The following RBFOX1 variants were observed in gnomAD, a reference collection of about 807,000 sequenced individuals.
RBFOX1 encodes the protein RNA binding protein fox-1 homolog 1.
In RBFOX1, 8 loss-of-function variants were observed where a neutral mutation model predicts 57.7. That is an observed-to-expected ratio of 0.14 (90% CI 0.08 to 0.25). The LOEUF is 0.25. RBFOX1 is among the 10% of genes least tolerant of loss of function. The pLI is 1.00. For missense variants in RBFOX1, 611 were observed against 548.5 expected, an observed-to-expected ratio of 1.11 and a Z score of -1.14; for synonymous variants, 326 against 222.4, an observed-to-expected ratio of 1.47 and a Z score of -4.15.
intron 3 of RBFOX1, among the ~76,000 whole-genome samples, chr16:6,738,567 C>T (rs377378591): frequency 2.6e-5 from 4 of 152,146 alleles, no homozygotes; most frequent in East Asian, 3.9e-4. Context: ...CATCTCGCAA[C>T]AATTTATAGA....
intron 3 of RBFOX1, among the ~76,000 whole-genome samples, chr16:7,032,791 G>C (rs4786958): frequency 1.3e-5 from 2 of 151,886 alleles, no homozygotes; most frequent in Non-Finnish European, 2.9e-5. Flanking sequence ...CCCCGCCTTG[G>C]GTCTACCTGA....
chr16:5,739,664 G>C (rs56679184), intron 3 of RBFOX1, among the ~76,000 whole-genome samples: 1 of 152,158 alleles, frequency 6.6e-6, no homozygotes. Context: ...GGCATTTTCT[G>C]TGCACCCTAA....
intron 1 of RBFOX1, among the ~76,000 whole-genome samples, chr16:5,417,553 C>G (rs374471748): frequency 6.6e-6 from 1 of 151,936 alleles, no homozygotes; most frequent in Non-Finnish European, 1.5e-5. Flanking sequence ...GATTTCTTAC[C>G]CCTGGCTTAA....
chr16:5,703,382 A>C (rs1051361104), intron 3 of RBFOX1, among the ~76,000 whole-genome samples: 1 of 152,172 alleles, frequency 6.6e-6, no homozygotes, highest in Non-Finnish European at 1.5e-5. Context: ...AAAGCCTCTA[A>C]ATTGGGATGG....
chr16:6,933,274 T>A (rs2153478946), intron 3 of RBFOX1, among the ~76,000 whole-genome samples: 1 of 152,330 alleles, frequency 6.6e-6, no homozygotes, highest in South Asian at 2.1e-4. Flanking sequence ...AATTGATGAA[T>A]CATAGAGTAA....
intron 14 of RBFOX1, among the ~76,000 whole-genome samples, chr16:7,700,082 C>G (rs904665513): frequency 4.5e-4 from 69 of 152,208 alleles, no homozygotes; most frequent in African/African-American, 1.7e-3. Context: ...CTTGTTTTGT[C>G]TTAATCTTTG....
At chr16:7,389,889 G>A (rs958702258) in intron 4 of RBFOX1, among the ~76,000 whole-genome samples, 4 of 152,094 alleles carry the variant, frequency 2.6e-5, no homozygotes, top group Admixed American at 1.3e-4. Context: ...AGAAGATGGG[G>A]GTTGTAGTAG....
intron 1 of RBFOX1, among the ~76,000 whole-genome samples, chr16:5,244,963 G>T (rs2151065498): frequency 6.6e-6 from 1 of 152,356 alleles, no homozygotes; most frequent in East Asian, 1.9e-4. Flanking sequence ...ACATTTAACC[G>T]CAGGGCTGGC....
At chr16:6,925,384 G>A (rs1028697804) in intron 3 of RBFOX1, among the ~76,000 whole-genome samples, 10 of 151,666 alleles carry the variant, frequency 6.6e-5, no homozygotes, top group African/African-American at 2.2e-4. Flanking sequence ...CTTGGTCTCC[G>A]AACGTGCCGG....
intron 3 of RBFOX1, among the ~76,000 whole-genome samples, chr16:6,949,059 G>A (rs1256798001): frequency 6.6e-6 from 1 of 152,126 alleles, no homozygotes; most frequent in Non-Finnish European, 1.5e-5. Context: ...AAAAGGGAGA[G>A]TAAGGACAAA....
At chr16:7,571,213 G>GAAA (rs144811713) in intron 5 of RBFOX1, among the ~76,000 whole-genome samples, 14 of 151,284 alleles carry the variant, frequency 9.3e-5, no homozygotes, top group East Asian at 5.9e-4. Context: ...ACTTAAGGAA[G>GAAA]AAAAAAAAAT....
At chr16:6,914,501 C>T (rs992586405) in intron 3 of RBFOX1, among the ~76,000 whole-genome samples, 6 of 151,984 alleles carry the variant, frequency 3.9e-5, no homozygotes, top group African/African-American at 7.3e-5. Flanking sequence ...CCTACCTGAG[C>T]CACCTTTGAT....
intron 6 of RBFOX1, among the ~76,000 whole-genome samples, chr16:7,582,955 C>T (rs1004869985): frequency 3.3e-5 from 5 of 152,176 alleles, no homozygotes; most frequent in Admixed American, 6.5e-5. Context: ...ACTAATAATT[C>T]GACCATACCA....
intron 3 of RBFOX1, among the ~76,000 whole-genome samples, chr16:6,969,347 C>T (rs895144299): frequency 6.6e-6 from 1 of 152,092 alleles, no homozygotes; most frequent in East Asian, 1.9e-4. Context: ...GAGGCAGTGT[C>T]ATGCAGTGAT....
At chr16:5,311,071 TGTAA>T (rs763604090) in intron 1 of RBFOX1, among the ~76,000 whole-genome samples, 2 of 152,314 alleles carry the variant, frequency 1.3e-5, no homozygotes, top group East Asian at 1.9e-4. Flanking sequence ...AGATTCCACT[TGTAA>T]GTGAGAACAT....
At chr16:5,829,562 C>T (rs1326542486) in intron 3 of RBFOX1, among the ~76,000 whole-genome samples, 2 of 152,112 alleles carry the variant, frequency 1.3e-5, no homozygotes, top group African/African-American at 2.4e-5. Context: ...TCTGGTGGCC[C>T]TCTTCTACCT....
At position 7,607,344 on chromosome 16, in the gene RBFOX1, G is replaced by C. The variant is rs781701289; in HGVS notation, c.676+6G>C. On this transcript the variant is annotated splice_donor_region_variant and intron_variant, in intron 10 of 15. Transcript: ENST00000550418. Reference sequence around the variant, plus strand: ...CAGTCCCGAATTCTATGCAGGTACAGAGTTTCTCTTTGCACGAAGTCTTCT... The same window carrying C: ...CAGTCCCGAATTCTATGCAGGTACACAGTTTCTCTTTGCACGAAGTCTTCT... 1.4e-5 allele frequency: 23 copies of C among 1,608,212 alleles called. No homozygotes were observed. Among genetic ancestry groups the C allele is most frequent in the South Asian group, 3.4e-5 (3 of 89,122 alleles).
intron 3 of RBFOX1, among the ~76,000 whole-genome samples, chr16:6,758,656 G>C (rs1427059021): frequency 6.6e-5 from 10 of 152,160 alleles, no homozygotes; most frequent in Admixed American, 6.5e-4. Flanking sequence ...CACAGACTGT[G>C]TTAGTAGCAA....
At chr16:5,806,444 T>C (rs1164310915) in intron 3 of RBFOX1, among the ~76,000 whole-genome samples, 1 of 152,162 alleles carries the variant, frequency 6.6e-6, no homozygotes, top group Non-Finnish European at 1.5e-5. Context: ...CAAAGCTAGT[T>C]GCCTCCAGCC....
Sources: gnomAD v4.1 joint callset for allele counts (sites outside exome capture counted in the v4.1 genomes callset) on GRCh38, gnomAD v4.1.1 for gene constraint, MANE v1.5 for transcripts, NCBI Gene and HGNC (gene_info 2026-07-23, HGNC 2026-07-21) for gene names.